RORA: variants seen among roughly 807,000 people sequenced by gnomAD.
RORA encodes the protein RAR related orphan receptor A, also known as nuclear receptor ROR-alpha.
A neutral mutation model predicts 69.5 loss-of-function variants in RORA; 7 were observed. The observed-to-expected ratio is 0.10, with a 90% CI of 0.06 to 0.19. The LOEUF (loss-of-function observed/expected upper bound fraction) is 0.19. RORA is among the 10% of genes least tolerant of loss of function. RORA has a pLI of 1.00. For missense variants in RORA, 457 were observed against 663.0 expected (o/e 0.69, Z 3.41); for synonymous variants, 261 against 240.8 (o/e 1.08, Z -0.78).
intron 1 of RORA, among the ~76,000 whole-genome samples, chr15:60,802,940 A>G (rs936409541): frequency 1.3e-5 from 2 of 148,934 alleles, no homozygotes; most frequent in African/African-American, 5.0e-5. Context: ...TAAAACCTAA[A>G]TGTTTTGTTT....
chr15:61,066,879 CAAAAAAAAAAAAA>C (rs33936803), intron 1 of RORA, among the ~76,000 whole-genome samples: 40 of 71,296 alleles, frequency 5.6e-4, no homozygotes, highest in African/African-American at 2.0e-3. Context: ...TTCATAAGAC[CAAAAAAAAAAAAA>C]AAAAAAAAAA....
intron 8 of RORA, 142 bp downstream of exon 8, chr15:60,502,618 A>G (rs1188468188): frequency 1.5e-6 from 1 of 661,692 alleles, no homozygotes; most frequent in Non-Finnish European, 2.7e-6. Context: ...ACAGTGACTA[A>G]CTAGAAAGTA....
At chr15:60,512,326 C>T (rs944095817) in intron 4 of RORA, among the ~76,000 whole-genome samples, 1 of 152,292 alleles carries the variant, frequency 6.6e-6, no homozygotes, top group South Asian at 2.1e-4. Flanking sequence ...CTCTCTGTCA[C>T]CCAGGCTGAA....
chr15:60,778,205 C>G (rs557043920), intron 1 of RORA, among the ~76,000 whole-genome samples: 2 of 134,896 alleles, frequency 1.5e-5, no homozygotes, highest in African/African-American at 6.3e-5. Context: ...TACTGAACAG[C>G]TGGGCTCAGG....
At chr15:60,691,052 C>T (rs2070815543) in intron 1 of RORA, among the ~76,000 whole-genome samples, 2 of 152,200 alleles carry the variant, frequency 1.3e-5, no homozygotes, top group South Asian at 4.1e-4. Context: ...CCATCTCATT[C>T]TTCCACACTA....
At position 60,784,237 on chromosome 15, in the gene RORA, T is replaced by TTTG. The variant is rs1371840762; in HGVS notation, c.167-105554_167-105552dup. Among the ~76,000 whole-genome samples the TTTG allele has an allele frequency of 6.6e-5, 10 of 152,162 alleles. No homozygotes were observed. The South Asian group carries it at 1.2e-3, about 19-fold the overall frequency. On this transcript the variant is annotated intron_variant, in intron 1 of 10. Transcript: ENST00000335670. ...GATGACAAAAAATAGATGGAGTTAT[T>TTTG]TTGTTGTTGTTGTTGTTCATGTTAT...
intron 1 of RORA, among the ~76,000 whole-genome samples, chr15:61,065,078 T>C (rs752074419): frequency 6.6e-6 from 1 of 152,214 alleles, no homozygotes; most frequent in African/African-American, 2.4e-5. Flanking sequence ...AATAGTGTTA[T>C]CACTGGAAAC....
At chr15:60,672,167 A>C (rs1014508268) in intron 2 of RORA, among the ~76,000 whole-genome samples, 7 of 152,210 alleles carry the variant, frequency 4.6e-5, no homozygotes, top group African/African-American at 1.7e-4. Context: ...TAGTGGGAAT[A>C]ACATTCCCCT....
chr15:60,785,216 T>C (rs1238835755), intron 1 of RORA, among the ~76,000 whole-genome samples: 2 of 152,240 alleles, frequency 1.3e-5, no homozygotes, highest in Non-Finnish European at 2.9e-5. Flanking sequence ...TCTGGTTTCA[T>C]GCACTCGAAA....
chr15:60,630,131 A>T (rs1051165719), intron 2 of RORA, among the ~76,000 whole-genome samples: 3 of 152,226 alleles, frequency 2.0e-5, no homozygotes, highest in Admixed American at 6.5e-5. Context: ...AAAGAACCCC[A>T]TAGAAATCTT....
intron 1 of RORA, among the ~76,000 whole-genome samples, chr15:61,037,394 C>T (rs950257936): frequency 2.0e-5 from 3 of 152,150 alleles, no homozygotes; most frequent in African/African-American, 7.2e-5. Flanking sequence ...ATCCTCCCAC[C>T]ATCATTTCAG....
rs2065073015 is a variant in RORA at position 60,492,974 on chromosome 15, A to G, written c.*4481T>C. ...GTAGTACTGGCCACCCTGTTTTAAG[A>G]GTTTTAGGAGATCCCTGAGCACATT... is the stretch of plus-strand genomic sequence containing the variant. On this transcript the variant is annotated 3_prime_UTR_variant, in exon 11 of 11. Transcript: ENST00000335670. 1 of 152,210 alleles carries G rather than the reference A, an allele frequency of 6.6e-6. No individual in the cohort carries two copies. The highest frequency in any genetic ancestry group is 6.5e-5 in the Admixed American group (1 of 15,284). 9.4% of individuals were successfully genotyped at this position (152,210 alleles called of 1,614,324 possible).
intron 1 of RORA, among the ~76,000 whole-genome samples, chr15:61,170,313 A>C (rs2079574248): frequency 6.6e-6 from 1 of 152,212 alleles, no homozygotes; most frequent in Admixed American, 6.5e-5. Flanking sequence ...TCTGCAGGCC[A>C]CCTGCATTCT....
At chr15:60,585,429 G>A (rs1044555100) in intron 2 of RORA, among the ~76,000 whole-genome samples, 5 of 151,838 alleles carry the variant, frequency 3.3e-5, no homozygotes, top group Non-Finnish European at 7.4e-5. Flanking sequence ...CAGAAACCAA[G>A]GGGTTAATAG....
intron 2 of RORA, chr15:60,614,819 G>T: frequency 1.8e-6 from 2 of 1,106,748 alleles, no homozygotes; most frequent in Non-Finnish European, 2.7e-6. Flanking sequence ...TTATACACAC[G>T]CACATGCAGA....
At chr15:60,987,374 C>T (rs1894236514) in intron 1 of RORA, among the ~76,000 whole-genome samples, 1 of 152,134 alleles carries the variant, frequency 6.6e-6, no homozygotes, top group South Asian at 2.1e-4. Context: ...TCAAATCCTA[C>T]CAAAACAGTA....
intron 2 of RORA, among the ~76,000 whole-genome samples, chr15:60,585,439 G>GT (rs201494526): frequency 2.0e-5 from 3 of 151,868 alleles, no homozygotes; most frequent in Non-Finnish European, 4.4e-5. Context: ...GGGGTTAATA[G>GT]TTTTTTTCAT....
chr15:61,033,631 C>T (rs1320100989), intron 1 of RORA, among the ~76,000 whole-genome samples: 1 of 152,162 alleles, frequency 6.6e-6, no homozygotes, highest in Non-Finnish European at 1.5e-5. Context: ...GTATTATTTA[C>T]TTGCTATGGT....
chr15:60,679,897 T>C (rs1596119729), intron 1 of RORA, among the ~76,000 whole-genome samples: 1 of 150,878 alleles, frequency 6.6e-6, no homozygotes, highest in Non-Finnish European at 1.5e-5. Flanking sequence ...ACCCCGCAAC[T>C]TTTATTGAGG....
Sources: allele counts gnomAD v4.1 joint callset (sites outside exome capture counted in the v4.1 genomes callset), GRCh38; gene constraint gnomAD v4.1.1; transcripts MANE v1.5; gene names NCBI Gene and HGNC (gene_info 2026-07-23, HGNC 2026-07-21).